The following NR5A2 variants were observed in gnomAD, a reference collection of about 807,000 sequenced individuals.
The protein encoded by NR5A2 is nuclear receptor subfamily 5 group A member 2.
In NR5A2, 26 loss-of-function variants were observed where a neutral mutation model predicts 62.7. The ratio of observed to expected loss-of-function variants is 0.41; its 90% CI spans 0.30 to 0.58. The LOEUF (loss-of-function observed/expected upper bound fraction) is 0.58, where lower values mean the gene tolerates loss of function less well. NR5A2 is among the 20% of genes least tolerant of loss of function. The pLI is 0.22. For synonymous variants in NR5A2, 246 were observed against 241.7 expected (o/e 1.02, Z -0.16); for missense variants, 541 against 669.1 (o/e 0.81, Z 2.11).
chr1:200,069,670 G>A (rs1284533521), intron 5 of NR5A2, among the ~76,000 whole-genome samples: 1 of 152,102 alleles, frequency 6.6e-6, no homozygotes, highest in Admixed American at 6.6e-5. Flanking sequence ...ATGTCATAAA[G>A]GTTTTGGAGG....
chr1:200,154,260 A>G (rs985032934), intron 7 of NR5A2, among the ~76,000 whole-genome samples: 1 of 152,042 alleles, frequency 6.6e-6, no homozygotes, highest in Admixed American at 6.6e-5. Flanking sequence ...CTTTTGTGGG[A>G]GTGTGCTATT....
Position 200,027,750 on chromosome 1 carries a change from G to A in NR5A2, c.-98G>A, listed in dbSNP as rs1661398923. The A allele has an allele frequency of 4.4e-6, 3 of 680,576 alleles. No individual in the cohort carries two copies. Among genetic ancestry groups the A allele is most frequent in the Non-Finnish European group, 7.5e-6 (3 of 399,564 alleles). 42.2% of individuals were successfully genotyped at this position (680,576 alleles called of 1,614,324 possible). ...TCACTAAGGGTTACTGTAGTCTGAT[G>A]TGTCCTTCCCAAGGCCACGAAATTT... On this transcript the variant is annotated 5_prime_UTR_variant, in exon 1 of 8. In the 5' UTR this introduces an upstream ATG that the reference lacks. Transcript: ENST00000367362.
chr1:200,073,298 T>TTATA lies in NR5A2; in HGVS notation c.1110+24494_1110+24497dup, dbSNP rs771272912. Among the ~76,000 whole-genome samples the TTATA allele has an allele frequency of 4.8e-4, 56 of 116,304 alleles. 1 individual carries two copies. The highest frequency in any genetic ancestry group is 1.4e-3 in the African/African-American group (42 of 29,106). The allele number at this position is 116,304 out of a possible 152,430, so 76.3% of individuals were successfully genotyped here. ...TATATATATATATATATATTCCCCT[T>TTATA]TATATATATATATATATTCCCCTTT... is the stretch of plus-strand genomic sequence containing the variant. On this transcript the variant is annotated intron_variant, in intron 5 of 7. Coordinates refer to ENST00000367362, the MANE Select transcript of NR5A2 (RefSeq NM_205860.3).
intron 2 of NR5A2, among the ~76,000 whole-genome samples, chr1:200,041,689 C>T (rs993413471): frequency 6.6e-6 from 1 of 152,140 alleles, no homozygotes; most frequent in Non-Finnish European, 1.5e-5. Flanking sequence ...GTTCGCCTCC[C>T]CAAACGCCTA....
intron 1 of NR5A2, chr1:200,029,119 T>A: frequency 2.3e-6 from 1 of 442,162 alleles, no homozygotes; most frequent in South Asian, 1.6e-5. Flanking sequence ...ACCGCCGCGG[T>A]GCGCAGGCAA....
intron 7 of NR5A2, among the ~76,000 whole-genome samples, chr1:200,129,188 A>G (rs1666856562): frequency 6.6e-6 from 1 of 152,166 alleles, no homozygotes; most frequent in Admixed American, 6.6e-5. Context: ...CTCCAGCACA[A>G]GCCATCATAT....
chr1:200,148,608 A>G (rs940618624), intron 7 of NR5A2, among the ~76,000 whole-genome samples: 3 of 152,232 alleles, frequency 2.0e-5, no homozygotes, highest in African/African-American at 7.2e-5. Flanking sequence ...GTAGGGGAAA[A>G]TTAGTCAAAA....
chr1:200,173,040 C>T (rs1654253075), intron 7 of NR5A2, among the ~76,000 whole-genome samples: 1 of 152,102 alleles, frequency 6.6e-6, no homozygotes, highest in Non-Finnish European at 1.5e-5. Context: ...AGAGAAATTC[C>T]AGCATACCGT....
chr1:200,160,350 A>T (rs1653587230), intron 7 of NR5A2, among the ~76,000 whole-genome samples: 1 of 152,230 alleles, frequency 6.6e-6, no homozygotes. Flanking sequence ...TTCTGAAGAT[A>T]GCACCTTGTC....
chr1:200,111,336 C>CAAA lies in NR5A2; in HGVS notation c.1230+28_1230+30dup, dbSNP rs76894039. On this transcript the variant is annotated intron_variant, in intron 6 of 7. Transcript: ENST00000367362. ...CTGGGCAACAAGTGAGTGTAGAGAC[C>CAAA]AAAAAAAAAAAAAAAGCATCTTTTT... 4,630 of 1,405,432 alleles carry CAAA rather than the reference C, an allele frequency of 3.3e-3. 67 individuals are homozygous for CAAA. The highest frequency in any genetic ancestry group is 0.023 in the African/African-American group (1,408 of 61,100). 87.1% of individuals were successfully genotyped at this position (1,405,432 alleles called of 1,614,324 possible).
At chr1:200,057,564 C>A in intron 5 of NR5A2, 1 of 346,698 alleles carries the variant, frequency 2.9e-6, no homozygotes, top group Non-Finnish European at 5.8e-6. Context: ...TGGCAACCTC[C>A]ACCTCCTGCA....
At chr1:200,129,159 C>T (rs1014344961) in intron 7 of NR5A2, among the ~76,000 whole-genome samples, 1 of 152,156 alleles carries the variant, frequency 6.6e-6, no homozygotes, top group African/African-American at 2.4e-5. Context: ...CAGTCAGGAC[C>T]TCTGCCCAGA....
chr1:200,128,288 G>A (rs1385916373), intron 7 of NR5A2, among the ~76,000 whole-genome samples: 1 of 152,168 alleles, frequency 6.6e-6, no homozygotes, highest in African/African-American at 2.4e-5. Context: ...GTGGACTCAC[G>A]CAGTTCAAAC....
rs138867435 is a variant in NR5A2, at chr1:200,073,486, T to G, written c.1110+24668T>G. Among the ~76,000 whole-genome samples the G allele has an allele frequency of 2.0e-3, 300 of 151,888 alleles. 1 individual carries two copies. The highest frequency in any genetic ancestry group is 5.9e-3 in the African/African-American group (246 of 41,430). ...CACAGTATTTACATATAACCTCCCA[T>G]GTACTTTAAATCATCTTAAAATTAT... On this transcript the variant is annotated intron_variant, in intron 5 of 7. Coordinates refer to ENST00000367362, the MANE Select transcript of NR5A2 (RefSeq NM_205860.3).
At chr1:200,089,839 A>G (rs1664735541) in intron 5 of NR5A2, among the ~76,000 whole-genome samples, 1 of 152,204 alleles carries the variant, frequency 6.6e-6, no homozygotes, top group Non-Finnish European at 1.5e-5. Flanking sequence ...TGGTTTGATC[A>G]TATCACTCAC....
At chr1:200,034,602 G>T (rs376178157) in intron 1 of NR5A2, among the ~76,000 whole-genome samples, 1 of 129,294 alleles carries the variant, frequency 7.7e-6, no homozygotes, top group African/African-American at 2.8e-5. Context: ...TTGCCCGGGG[G>T]GGTGGGTGGG....
intron 5 of NR5A2, among the ~76,000 whole-genome samples, chr1:200,084,754 G>A (rs1664448843): frequency 6.6e-6 from 1 of 151,996 alleles, no homozygotes; most frequent in Non-Finnish European, 1.5e-5. Context: ...TCATTGATTC[G>A]ATAATACAAG....
chr1:200,145,502 GT>G (rs1667659673), intron 7 of NR5A2, among the ~76,000 whole-genome samples: 2 of 121,694 alleles, frequency 1.6e-5, no homozygotes, highest in African/African-American at 5.5e-5. Flanking sequence ...GTGTGTGTGT[GT>G]GTGTGTGTGT....
chr1:200,090,690 A>G (rs1664772410), intron 5 of NR5A2, among the ~76,000 whole-genome samples: 1 of 152,192 alleles, frequency 6.6e-6, no homozygotes, highest in Non-Finnish European at 1.5e-5. Flanking sequence ...GGGGAACAAA[A>G]ACCCTTCTCA....
Sources: allele counts gnomAD v4.1 joint callset (sites outside exome capture counted in the v4.1 genomes callset), GRCh38; gene constraint gnomAD v4.1.1; transcripts MANE v1.5; gene names NCBI Gene and HGNC (gene_info 2026-07-23, HGNC 2026-07-21).